The following INPP4B variants were observed in gnomAD, a reference collection of about 807,000 sequenced individuals.
INPP4B encodes inositol polyphosphate-4-phosphatase type II B, also known as inositol polyphosphate 4-phosphatase type II.
A neutral mutation model predicts 122.5 loss-of-function variants in INPP4B; 55 were observed. The observed-to-expected ratio is 0.45, with a 90% confidence interval of 0.36 to 0.56. INPP4B has a LOEUF of 0.56. Ranked by LOEUF, INPP4B falls within the 20% of genes least tolerant of loss-of-function variation. The pLI, the probability that INPP4B is intolerant of heterozygous loss-of-function variation, is 0.00. For missense variants in INPP4B, 1,000 were observed against 1,097.7 expected (o/e 0.91, Z 1.26); for synonymous variants, 403 against 388.7 (o/e 1.04, Z -0.43).
chr4:142,398,437 TATATATATA>T (rs1800410123), intron 7 of INPP4B, among the ~76,000 whole-genome samples: 2 of 81,170 alleles, frequency 2.5e-5, no homozygotes, highest in Non-Finnish European at 2.2e-5. Flanking sequence ...TATATATATA[TATATATATA>T]AAACATATTA....
chr4:142,305,638 TA>T, intron 8 of INPP4B, 101 bp from the exon 9 acceptor site: 1 of 1,494,506 alleles, frequency 6.7e-7, no homozygotes, highest in Non-Finnish European at 9.1e-7. Context: ...AATGAAATAT[TA>T]AATCTATTAG....
intron 2 of INPP4B, among the ~76,000 whole-genome samples, chr4:142,521,648 T>C (rs1328084020): frequency 2.6e-5 from 4 of 152,076 alleles, no homozygotes; most frequent in Admixed American, 2.6e-4. Flanking sequence ...TCTTCAGAGA[T>C]TACCAGTAGT....
chr4:142,844,417 A>G (rs1419364912), intron 1 of INPP4B, among the ~76,000 whole-genome samples: 5 of 152,228 alleles, frequency 3.3e-5, no homozygotes, highest in Admixed American at 6.5e-5. Flanking sequence ...ATAACCTTTC[A>G]AGGACAATCT....
intron 18 of INPP4B, among the ~76,000 whole-genome samples, chr4:142,144,370 G>A (rs1242931759): frequency 6.6e-6 from 1 of 151,610 alleles, no homozygotes; most frequent in Non-Finnish European, 1.5e-5. Context: ...TCTTATTTCT[G>A]CTAAAAAATA....
intron 7 of INPP4B, among the ~76,000 whole-genome samples, chr4:142,341,230 GTTA>G (rs557116890): frequency 4.6e-5 from 7 of 151,994 alleles, no homozygotes; most frequent in Non-Finnish European, 8.8e-5. Context: ...TGACATTATG[GTTA>G]TTATGTTTCT....
chr4:142,732,770 G>C (rs769852549), intron 1 of INPP4B, among the ~76,000 whole-genome samples: 1 of 152,012 alleles, frequency 6.6e-6, no homozygotes, highest in Non-Finnish European at 1.5e-5. Context: ...AATTAATCTG[G>C]ATATTCATGG....
intron 2 of INPP4B, among the ~76,000 whole-genome samples, chr4:142,579,674 T>G (rs947314764): frequency 2.0e-5 from 3 of 151,754 alleles, no homozygotes; most frequent in African/African-American, 7.3e-5. Flanking sequence ...TTTTCTCCCC[T>G]TCAGACATGA....
At chr4:142,342,931 C>T (rs1241206527) in intron 7 of INPP4B, among the ~76,000 whole-genome samples, 1 of 152,060 alleles carries the variant, frequency 6.6e-6, no homozygotes, top group African/African-American at 2.4e-5. Context: ...TAGTTAGTGG[C>T]CTCATTCCAA....
chr4:142,358,513 T>C (rs1784343949), intron 7 of INPP4B, among the ~76,000 whole-genome samples: 1 of 151,788 alleles, frequency 6.6e-6, no homozygotes, highest in South Asian at 2.1e-4. Context: ...ACAGCTCTAC[T>C]CTAGAACAGA....
intron 25 of INPP4B, among the ~76,000 whole-genome samples, chr4:142,071,471 C>A (rs980962781): frequency 1.4e-4 from 22 of 152,190 alleles, no homozygotes; most frequent in Admixed American, 5.2e-4. Flanking sequence ...GCAACAAAAG[C>A]CAAAATGGAC....
chr4:142,368,845 GGAA>G (rs1204869857), intron 7 of INPP4B, among the ~76,000 whole-genome samples: 17 of 152,206 alleles, frequency 1.1e-4, no homozygotes, highest in African/African-American at 3.1e-4. Context: ...CAATCATCTA[GGAA>G]GAACAAGCCC....
chr4:142,047,477 G>A (rs1752181702), intron 25 of INPP4B, among the ~76,000 whole-genome samples: 1 of 151,882 alleles, frequency 6.6e-6, no homozygotes, highest in Admixed American at 6.6e-5. Context: ...AATTTAGAAG[G>A]CACCCTTAGA....
At chr4:142,505,810 GC>G (rs1218989502) in intron 2 of INPP4B, among the ~76,000 whole-genome samples, 2 of 152,012 alleles carry the variant, frequency 1.3e-5, no homozygotes, top group African/African-American at 4.8e-5. Context: ...AAAATCCTTA[GC>G]ATGGCATTCA....
chr4:142,237,724 A>T (rs1452695953), intron 12 of INPP4B, 140 bp downstream of exon 12: 2 of 480,536 alleles, frequency 4.2e-6, no homozygotes, highest in African/African-American at 3.9e-5. Context: ...GGTAAGGCAA[A>T]TGTTAACTGG....
chr4:142,530,576 T>TATATATAC (rs1335716214), intron 2 of INPP4B, among the ~76,000 whole-genome samples: 1 of 124,584 alleles, frequency 8.0e-6, no homozygotes, highest in African/African-American at 2.9e-5. Flanking sequence ...TATATATATA[T>TATATATAC]ATACACACAC....
At chr4:142,839,267 G>A (rs897852552) in intron 1 of INPP4B, among the ~76,000 whole-genome samples, 1 of 152,140 alleles carries the variant, frequency 6.6e-6, no homozygotes, top group Non-Finnish European at 1.5e-5. Context: ...AGACCAGCCT[G>A]GCCAACATAG....
intron 2 of INPP4B, among the ~76,000 whole-genome samples, chr4:142,620,820 T>C (rs939644321): frequency 1.3e-5 from 2 of 152,012 alleles, no homozygotes; most frequent in Non-Finnish European, 2.9e-5. Flanking sequence ...TTCCTTGTGT[T>C]TCTGACTTTA....
chr4:142,819,057 T>C (rs1290824376), intron 1 of INPP4B, among the ~76,000 whole-genome samples: 3 of 152,178 alleles, frequency 2.0e-5, no homozygotes. Flanking sequence ...TCATGCGTTG[T>C]GTGCTGGGAT....
At chr4:142,545,193 A>T (rs1200183495) in intron 2 of INPP4B, among the ~76,000 whole-genome samples, 2 of 152,214 alleles carry the variant, frequency 1.3e-5, no homozygotes, top group Admixed American at 1.3e-4. Context: ...TATTAGTTCA[A>T]GACACAATGA....
Sources: gnomAD v4.1 joint callset for allele counts (sites outside exome capture counted in the v4.1 genomes callset) on GRCh38, gnomAD v4.1.1 for gene constraint, MANE v1.5 for transcripts, NCBI Gene and HGNC (gene_info 2026-07-23, HGNC 2026-07-21) for gene names.